The following IFFO2 variants were observed in gnomAD, a reference collection of about 807,000 sequenced individuals.
The protein encoded by IFFO2 is intermediate filament family orphan 2.
A neutral mutation model predicts 53.5 loss-of-function variants in IFFO2; 19 were observed. That is an observed-to-expected ratio of 0.36 (90% confidence interval 0.25 to 0.52). The LOEUF is 0.52. Ranked by LOEUF, IFFO2 falls within the 20% of genes least tolerant of loss-of-function variation. IFFO2 has a pLI of 0.94. For synonymous variants in IFFO2, 303 were observed against 313.6 expected (o/e 0.97, Z 0.36); for missense variants, 570 against 727.4 (o/e 0.78, Z 2.49).
At chr1:18,927,408 G>GGGGGCAGAGGGCAGGTT (rs1182257129) in intron 1 of IFFO2, among the ~76,000 whole-genome samples, 1 of 152,210 alleles carries the variant, frequency 6.6e-6, no homozygotes, top group East Asian at 1.9e-4. Context: ...GAGGGCAGGT[G>GGGGGCAGAGGGCAGGTT]GGGGCAGAGA....
At chr1:18,937,661 T>G (rs1309833866) in intron 1 of IFFO2, among the ~76,000 whole-genome samples, 1 of 152,188 alleles carries the variant, frequency 6.6e-6, no homozygotes, top group African/African-American at 2.4e-5. Context: ...CTCCTCACCC[T>G]CATTCTGCTG....
At position 18,955,959 on chromosome 1, in the gene IFFO2, A is replaced by C. The variant is rs1474320603; in HGVS notation, c.374T>G (p.Leu125Arg). ...GGCGCCGGCCGCCGCGCCACTGCTG[A>C]GGCCGTGCCCGCCGCCGGGCGCCGG... ...RPPAPGGGHG[L>R]SSGAAAGANA... is the part of the protein sequence containing the mutation. Residue 125 changes from leucine to arginine, a missense_variant, in exon 1 of 9, where the codon CTC becomes CGC. Transcript: ENST00000455833. The C allele has an allele frequency of 1.9e-5, 25 of 1,308,100 alleles. No homozygotes were observed. The highest frequency in any genetic ancestry group is 1.9e-5 in the Non-Finnish European group (20 of 1,026,052). 81.0% of individuals were successfully genotyped at this position (1,308,100 alleles called of 1,614,324 possible).
chr1:18,914,106 C>G (rs978546247), intron 5 of IFFO2, among the ~76,000 whole-genome samples: 1 of 152,248 alleles, frequency 6.6e-6, no homozygotes, highest in Non-Finnish European at 1.5e-5. Context: ...GCTGGGATTA[C>G]AGGCGTGAGC....
At chr1:18,951,728 C>G (rs1015748741) in intron 1 of IFFO2, among the ~76,000 whole-genome samples, 2 of 152,190 alleles carry the variant, frequency 1.3e-5, no homozygotes, top group African/African-American at 4.8e-5. Flanking sequence ...CCAATGAAGA[C>G]AGGGGAAACG....
intron 1 of IFFO2, among the ~76,000 whole-genome samples, chr1:18,948,707 G>A (rs1297174908): frequency 6.6e-6 from 1 of 152,196 alleles, no homozygotes; most frequent in East Asian, 1.9e-4. Flanking sequence ...AATGCTCAAA[G>A]GGCTGTGCAA....
chr1:18,950,866 G>C (rs1936651411), intron 1 of IFFO2, among the ~76,000 whole-genome samples: 1 of 152,196 alleles, frequency 6.6e-6, no homozygotes, highest in African/African-American at 2.4e-5. Flanking sequence ...CTCACAGTCA[G>C]AAATAGCTGT....
intron 1 of IFFO2, among the ~76,000 whole-genome samples, chr1:18,939,953 G>C (rs1359866480): frequency 6.6e-6 from 1 of 152,238 alleles, no homozygotes; most frequent in African/African-American, 2.4e-5. Flanking sequence ...GGAAGAAACA[G>C]ATGACCTCTG....
In IFFO2 at chr1:18,905,688, A is replaced by AGTGTGTGTGTGTGT. The variant is rs34644668; in HGVS notation, c.*2859_*2872dup. ...CTGTTCGGAGTCTCAGAGGAGTGCG[A>AGTGTGTGTGTGTGT]GTGTGTGTGTGTGTGTGTGTGTGTG... On this transcript the variant is annotated 3_prime_UTR_variant, in exon 9 of 9. Transcript: ENST00000455833. 1 of 146,598 alleles carries AGTGTGTGTGTGTGT rather than the reference A, an allele frequency of 6.8e-6. No homozygotes were observed. Among genetic ancestry groups the AGTGTGTGTGTGTGT allele is most frequent in the African/African-American group, 2.5e-5 (1 of 39,974 alleles). The allele number at this position is 146,598 out of a possible 1,614,324, so 9.1% of individuals were successfully genotyped here. A position where few individuals can be genotyped will look rare whatever the true frequency, so the allele number is the denominator to read the frequency against.
At chr1:18,937,782 G>C (rs1225811361) in intron 1 of IFFO2, among the ~76,000 whole-genome samples, 2 of 152,370 alleles carry the variant, frequency 1.3e-5, no homozygotes, top group African/African-American at 4.8e-5. Flanking sequence ...GGAGGGCAGA[G>C]CCTTGGGGCT....
At position 18,956,087 on chromosome 1, in the gene IFFO2, C is replaced by T; in HGVS notation, c.246G>A (p.Glu82=). 6.7e-7 allele frequency: 1 copy of T among 1,501,854 alleles called. No homozygotes were observed. The highest frequency in any genetic ancestry group is 9.0e-7 in the Non-Finnish European group (1 of 1,116,840). The allele number at this position is 1,501,854 out of a possible 1,614,324, so 93.0% of individuals were successfully genotyped here. ...HELERRNRLL[E]KQLEQQQSER... is the part of the protein sequence containing the mutation. ...CGCTCTGCTGCTGCTCCAGCTGCTT[C>T]TCCAGCAGCCGGTTGCGCCGCTCCA... Residue 82 remains glutamate (E), a synonymous_variant, in exon 1 of 9, where the codon GAG becomes GAA. Coordinates refer to ENST00000455833, the MANE Select transcript of IFFO2 (RefSeq NM_001136265.2). This position sits in a 1 kb window ranked among gnomAD's most constrained non-coding sequence, Gnocchi z 6.4.
intron 1 of IFFO2, among the ~76,000 whole-genome samples, chr1:18,926,762 G>A (rs1170024203): frequency 4.8e-5 from 7 of 144,460 alleles, no homozygotes; most frequent in African/African-American, 1.5e-4. Flanking sequence ...ACACAGACCC[G>A]CAGGAAAGGG....
chr1:18,955,065 G>T (rs775644974), intron 1 of IFFO2, among the ~76,000 whole-genome samples: 5 of 152,180 alleles, frequency 3.3e-5, no homozygotes, highest in Admixed American at 6.5e-5. Flanking sequence ...TGGCCCCAGG[G>T]GGTAGGGGCA....
chr1:18,935,833 G>A (rs1281441987), intron 1 of IFFO2, among the ~76,000 whole-genome samples: 1 of 150,190 alleles, frequency 6.7e-6, no homozygotes, highest in Non-Finnish European at 1.5e-5. Flanking sequence ...GGGATTATAG[G>A]TGCATGCCAC....
At chr1:18,942,461 C>T (rs565697541) in intron 1 of IFFO2, among the ~76,000 whole-genome samples, 3 of 152,280 alleles carry the variant, frequency 2.0e-5, no homozygotes, top group African/African-American at 4.8e-5. Context: ...CAGCAGCACA[C>T]GTAGCACTCT....
At chr1:18,941,216 G>A (rs1015186928) in intron 1 of IFFO2, among the ~76,000 whole-genome samples, 11 of 152,230 alleles carry the variant, frequency 7.2e-5, no homozygotes, top group Admixed American at 2.0e-4. Flanking sequence ...GAGTGCTCTC[G>A]GGAAGTGAGC....
intron 1 of IFFO2, among the ~76,000 whole-genome samples, chr1:18,938,748 C>G (rs755507534): frequency 6.7e-6 from 1 of 148,648 alleles, no homozygotes; most frequent in Non-Finnish European, 1.5e-5. Flanking sequence ...CAGAGGACAG[C>G]CTGCCCAGTG....
At chr1:18,920,111 C>A (rs879251058) in intron 2 of IFFO2, among the ~76,000 whole-genome samples, 1 of 152,210 alleles carries the variant, frequency 6.6e-6, no homozygotes, top group Non-Finnish European at 1.5e-5. Context: ...TCAAAAATGA[C>A]AATGTCATGT....
intron 1 of IFFO2, among the ~76,000 whole-genome samples, chr1:18,935,017 A>G (rs1936426505): frequency 1.3e-5 from 2 of 152,238 alleles, no homozygotes; most frequent in East Asian, 1.9e-4. Flanking sequence ...GTGCCCCTCT[A>G]AAGAGCCATG....
At position 18,919,239 on chromosome 1, in the gene IFFO2, C is replaced by A. The variant is rs1936179565; in HGVS notation, c.822+439G>T. Among the ~76,000 whole-genome samples the A allele has an allele frequency of 6.6e-6, 1 of 152,216 alleles. No homozygotes were observed. The highest frequency in any genetic ancestry group is 2.4e-5 in the African/African-American group (1 of 41,464). On this transcript the variant is annotated intron_variant, in intron 3 of 8. Transcript: ENST00000455833. The surrounding 1 kb of genome is among the most constrained non-coding windows in gnomAD (Gnocchi z 4.9). ...AAAAAGACACGCGCACTGGCCTTTC[C>A]TGACCTCATGGAGCAACCCTGCCAA...
Sources: gnomAD v4.1 joint callset for allele counts (sites outside exome capture counted in the v4.1 genomes callset) on GRCh38, gnomAD v4.1.1 for gene constraint, Gnocchi (gnomAD v3.1) non-coding constraint, MANE v1.5 for transcripts, NCBI Gene and HGNC (gene_info 2026-07-23, HGNC 2026-07-21) for gene names.